ARHGEF12: variants seen among roughly 807,000 people sequenced by gnomAD.
ARHGEF12 encodes KMT2A/ARHGEF12 fusion protein.
In ARHGEF12, 66 loss-of-function variants were observed where a neutral mutation model predicts 211.2. The ratio of observed to expected loss-of-function variants is 0.31; its 90% CI spans 0.26 to 0.38. The LOEUF (loss-of-function observed/expected upper bound fraction) is 0.38, where lower values mean the gene tolerates loss of function less well. Ranked by LOEUF, ARHGEF12 falls within the 10% of genes least tolerant of loss-of-function variation. The probability of loss-of-function intolerance (pLI) is 1.00; values close to 1 mark genes in which losing one functional copy is unlikely to be tolerated. For missense variants in ARHGEF12, 1,429 were observed against 1,869.5 expected, an observed-to-expected ratio of 0.76 and a Z score of 4.34; for synonymous variants, 592 against 638.4, an observed-to-expected ratio of 0.93 and a Z score of 1.09.
Position 120,484,467 on chromosome 11 carries a change from C to T in ARHGEF12, c.4584C>T (p.Cys1528=), listed in dbSNP as rs1467837769. Residue 1528 remains cysteine (C), a synonymous_variant, in exon 40 of 41, where the codon TGC becomes TGT. Coordinates refer to ENST00000397843, the MANE Select transcript of ARHGEF12 (RefSeq NM_015313.3). ...TGGAGGAAAGTTACACCATTCTTTG[C>T]CAAAGGCTGGCTGGATCAGCCCTCA... ...KKVEESYTIL[C]QRLAGSALTD... is the part of the protein sequence containing the mutation. 1 of 1,613,944 alleles carries T rather than the reference C, an allele frequency of 6.2e-7. No homozygotes were observed. The highest frequency in any genetic ancestry group is 8.5e-7 in the Non-Finnish European group (1 of 1,180,020).
intron 23 of ARHGEF12, 121 bp downstream of exon 23, chr11:120,457,371 T>C (rs572320987): frequency 1.7e-6 from 2 of 1,183,930 alleles, no homozygotes; most frequent in African/African-American, 3.2e-5. Context: ...GTACCTATAA[T>C]GCCAGCTACT....
chr11:120,417,849 T>A (rs755080489), intron 4 of ARHGEF12, among the ~76,000 whole-genome samples: 3 of 152,338 alleles, frequency 2.0e-5, no homozygotes, highest in South Asian at 2.1e-4. Context: ...ATGCTTTTTT[T>A]AAACTTGATT....
chr11:120,343,140 A>G (rs1942587262), intron 1 of ARHGEF12, among the ~76,000 whole-genome samples: 1 of 152,206 alleles, frequency 6.6e-6, no homozygotes, highest in South Asian at 2.1e-4. Flanking sequence ...AGAATTGTTA[A>G]TGACAAGACA....
chr11:120,338,580 G>C (rs1042366530), intron 1 of ARHGEF12, among the ~76,000 whole-genome samples: 3 of 152,138 alleles, frequency 2.0e-5, no homozygotes, highest in African/African-American at 7.2e-5. Flanking sequence ...ATACACTTAA[G>C]ATAAGTATTG....
chr11:120,403,968 G>T (rs1944618128), intron 1 of ARHGEF12, among the ~76,000 whole-genome samples: 1 of 152,320 alleles, frequency 6.6e-6, no homozygotes, highest in Non-Finnish European at 1.5e-5. Flanking sequence ...GCAGTTGATA[G>T]TATGGATTAT....
chr11:120,469,104 G>A (rs115446383), intron 29 of ARHGEF12, among the ~76,000 whole-genome samples, 184 bp from the exon 30 acceptor site: 1,718 of 152,262 alleles, frequency 0.011, 32 homozygotes, highest in African/African-American at 0.039. Flanking sequence ...CCTGTTATAA[G>A]AAGTTTTACC....
At chr11:120,359,442 A>G (rs571721956) in intron 1 of ARHGEF12, among the ~76,000 whole-genome samples, 26 of 152,016 alleles carry the variant, frequency 1.7e-4, no homozygotes, top group Non-Finnish European at 3.5e-4. Context: ...GGGTTTTGCC[A>G]TGTTGCCTAG....
At chr11:120,365,918 C>A (rs1372383559) in intron 1 of ARHGEF12, 1 of 152,168 alleles carries the variant, frequency 6.6e-6, no homozygotes, top group Non-Finnish European at 1.5e-5. Flanking sequence ...AATGACCCTA[C>A]CAGCTAATTC....
intron 32 of ARHGEF12, 25 bp from the exon 33 acceptor site, chr11:120,475,314 AT>A (rs748315722): frequency 6.2e-7 from 1 of 1,606,590 alleles, no homozygotes; most frequent in Non-Finnish European, 8.5e-7. Flanking sequence ...TGTACTTACC[AT>A]TTTTTTCTGC....
chr11:120,395,354 T>C (rs1944349894), intron 1 of ARHGEF12, among the ~76,000 whole-genome samples: 1 of 152,190 alleles, frequency 6.6e-6, no homozygotes, highest in Admixed American at 6.5e-5. Context: ...GTGGTAACTA[T>C]GTTTCTCACT....
intron 34 of ARHGEF12, 28 bp downstream of exon 34, chr11:120,476,776 A>G: frequency 6.6e-7 from 1 of 1,514,668 alleles, no homozygotes; most frequent in South Asian, 1.2e-5. Flanking sequence ...CTACCTTGCT[A>G]TAGCTAATAT....
intron 1 of ARHGEF12, among the ~76,000 whole-genome samples, chr11:120,403,504 C>T (rs993396421): frequency 6.8e-6 from 1 of 146,940 alleles, no homozygotes; most frequent in Non-Finnish European, 1.5e-5. Context: ...GAGACTTAAT[C>T]GAAAAAAGAA....
At chr11:120,463,383 G>A (rs1253477262) in intron 27 of ARHGEF12, 1 of 152,162 alleles carries the variant, frequency 6.6e-6, no homozygotes, top group Admixed American at 6.6e-5. Context: ...AAATTAGCCA[G>A]GCATGGTAGT....
chr11:120,433,658 A>G (rs1013304578), intron 11 of ARHGEF12, among the ~76,000 whole-genome samples: 4 of 152,148 alleles, frequency 2.6e-5, no homozygotes, highest in Non-Finnish European at 4.4e-5. Context: ...ATAACCTTAT[A>G]AAAGAGTGAA....
chr11:120,457,789 C>T (rs777143963), intron 24 of ARHGEF12, 33 bp downstream of exon 24: 16 of 1,597,360 alleles, frequency 1.0e-5, no homozygotes, highest in Non-Finnish European at 1.4e-5. Context: ...TCAATAAAGG[C>T]GCATTTTAAG....
intron 1 of ARHGEF12, among the ~76,000 whole-genome samples, chr11:120,362,815 A>C (rs192316669): frequency 1.3e-3 from 197 of 152,288 alleles, no homozygotes; most frequent in African/African-American, 4.3e-3. Context: ...CTACTTAAAG[A>C]AACAGCCAGG....
At chr11:120,383,038 C>T (rs1455225636) in intron 1 of ARHGEF12, among the ~76,000 whole-genome samples, 1 of 152,084 alleles carries the variant, frequency 6.6e-6, no homozygotes, top group Non-Finnish European at 1.5e-5. Context: ...GCTTGGGAGG[C>T]TGAGGCAGGG....
intron 27 of ARHGEF12, among the ~76,000 whole-genome samples, chr11:120,461,850 G>C (rs1047351006): frequency 6.6e-6 from 1 of 152,198 alleles, no homozygotes; most frequent in African/African-American, 2.4e-5. Flanking sequence ...GTTTACCCCT[G>C]CTACCTTCAA....
At position 120,336,985 on chromosome 11, in the gene ARHGEF12, T is replaced by C; in HGVS notation, c.-259T>C. 1 of 500,882 alleles carries C rather than the reference T, an allele frequency of 2.0e-6. No individual in the cohort carries two copies. The highest frequency in any genetic ancestry group is 3.5e-6 in the Non-Finnish European group (1 of 283,124). 31.0% of individuals were successfully genotyped at this position (500,882 alleles called of 1,614,324 possible). On this transcript the variant is annotated 5_prime_UTR_variant, in exon 1 of 41. Coordinates refer to ENST00000397843, the MANE Select transcript of ARHGEF12 (RefSeq NM_015313.3). ...GTTTATCCTTGTGCCTTCTGGAGGA[T>C]TTCTCTCTAGCTCGACTCACTCTGG...
Sources: allele counts gnomAD v4.1 joint callset (sites outside exome capture counted in the v4.1 genomes callset), GRCh38; gene constraint gnomAD v4.1.1; transcripts MANE v1.5; gene names NCBI Gene and HGNC (gene_info 2026-07-23, HGNC 2026-07-21).